The following PCDHA12 variants were observed in gnomAD, a reference collection of about 807,000 sequenced individuals.
PCDHA12 encodes the protein protocadherin alpha-12.
Under a neutral mutation model 60.0 loss-of-function variants are expected in PCDHA12, and 44 were observed. The observed-to-expected ratio is 0.73, with a 90% CI of 0.58 to 0.94. PCDHA12 has a LOEUF of 0.94. Ranked by LOEUF, PCDHA12 falls within the 40% of genes least tolerant of loss-of-function variation. The pLI, the probability that PCDHA12 is intolerant of heterozygous loss-of-function variation, is 0.00. For synonymous variants in PCDHA12, 569 were observed against 553.0 expected (o/e 1.03, Z -0.40); for missense variants, 1,276 against 1,239.7 (o/e 1.03, Z -0.44).
At chr5:140,927,627 T>A (rs145171269) in intron 1 of PCDHA12, 5 of 1,614,062 alleles carry the variant, frequency 3.1e-6, no homozygotes, top group Non-Finnish European at 3.4e-6. Flanking sequence ...TTCCAGAGAC[T>A]GCACCCAATG....
intron 3 of PCDHA12, among the ~76,000 whole-genome samples, chr5:140,985,666 A>G (rs547448150): frequency 1.3e-5 from 2 of 151,942 alleles, no homozygotes; most frequent in South Asian, 4.2e-4. Flanking sequence ...GAATAAAGGA[A>G]GTGGGGCCTG....
chr5:141,006,361 A>G (rs1384420854), intron 3 of PCDHA12, among the ~76,000 whole-genome samples: 3 of 151,846 alleles, frequency 2.0e-5, no homozygotes, highest in African/African-American at 7.3e-5. Context: ...ATAGGCGCCC[A>G]CCACCACGCC....
At chr5:140,900,073 G>T (rs1490261769) in intron 1 of PCDHA12, among the ~76,000 whole-genome samples, 1 of 152,072 alleles carries the variant, frequency 6.6e-6, no homozygotes, top group African/African-American at 2.4e-5. Flanking sequence ...GCCTCCAAAA[G>T]TGCTGCAGTT....
chr5:140,937,362 C>A lies in PCDHA12; in HGVS notation c.2368-41587C>A, dbSNP rs151333453. On this transcript the variant is annotated intron_variant, in intron 1 of 3. Coordinates refer to ENST00000398631, the MANE Select transcript of PCDHA12 (RefSeq NM_018903.4). ...TCTTCCATTTATTTTATTATTTTAT[C>A]TTAATGTTTATGTGTGTGTATGTGT... Among the ~76,000 whole-genome samples the A allele has an allele frequency of 4.1e-4, 62 of 152,138 alleles. No individual in the cohort carries two copies. In the East Asian group the frequency reaches 0.01, roughly 25 times the overall value.
At chr5:140,882,950 C>G (rs1197710877) in intron 1 of PCDHA12, 1 of 1,614,098 alleles carries the variant, frequency 6.2e-7, no homozygotes, top group Non-Finnish European at 8.5e-7. Context: ...CACAGTTCAG[C>G]TGCTCATCAC....
At chr5:140,883,343 A>G in intron 1 of PCDHA12, 1 of 1,614,142 alleles carries the variant, frequency 6.2e-7, no homozygotes, top group Non-Finnish European at 8.5e-7. Context: ...GTCACTCCCC[A>G]TCAGAGAAGA....
rs191251073 is a variant in PCDHA12, at chr5:140,928,748, G to C, written c.2368-50201G>C. ...ATTTCAGCCAATATAGGTGAGCTCCGTACTGCTCGCTTAGTTCTTCCCACT... is the reference window on the plus strand; with the variant it reads ...ATTTCAGCCAATATAGGTGAGCTCCCTACTGCTCGCTTAGTTCTTCCCACT... On this transcript the variant is annotated intron_variant, in intron 1 of 3. Coordinates refer to ENST00000398631, the MANE Select transcript of PCDHA12 (RefSeq NM_018903.4). The C allele has an allele frequency of 1.9e-6, 3 of 1,614,114 alleles. No individual in the cohort carries two copies. In the Admixed American group the frequency reaches 5.0e-5, roughly 27 times the overall value.
intron 1 of PCDHA12, chr5:140,927,716 G>A (rs782756674): frequency 2.5e-6 from 4 of 1,614,072 alleles, no homozygotes; most frequent in Non-Finnish European, 3.4e-6. Context: ...CTAAGCAACA[G>A]CACGCAAGCA....
chr5:140,933,372 C>T (rs1332069734), intron 1 of PCDHA12, among the ~76,000 whole-genome samples: 2 of 151,918 alleles, frequency 1.3e-5, no homozygotes, highest in African/African-American at 2.4e-5. Flanking sequence ...TCCCAAATTC[C>T]TTGGCTGTTC....
chr5:140,927,614 A>G (rs1554204810), intron 1 of PCDHA12: 10 of 1,614,204 alleles, frequency 6.2e-6, no homozygotes, highest in South Asian at 1.1e-5. Flanking sequence ...TACCGCACCA[A>G]GGTTCCAGAG....
intron 1 of PCDHA12, chr5:140,968,750 G>A: frequency 6.2e-7 from 1 of 1,614,144 alleles, no homozygotes; most frequent in Non-Finnish European, 8.5e-7. Context: ...GACCGTGGTG[G>A]TCCGAGATAA....
chr5:140,887,247 C>T (rs1302931456), intron 1 of PCDHA12, among the ~76,000 whole-genome samples: 1 of 152,016 alleles, frequency 6.6e-6, no homozygotes, highest in Non-Finnish European at 1.5e-5. Context: ...CCGGCGCCCG[C>T]CACCACGCCC....
At chr5:140,966,659 G>C in intron 1 of PCDHA12, 5 of 1,217,658 alleles carry the variant, frequency 4.1e-6, no homozygotes, top group Non-Finnish European at 5.3e-6. Context: ...AGCGGTGGGG[G>C]AGCAGGCGCA....
intron 1 of PCDHA12, among the ~76,000 whole-genome samples, chr5:140,941,202 C>CCTTCCTTTCTTTCTTT (rs1554213920): frequency 7.0e-4 from 86 of 122,822 alleles, no homozygotes; most frequent in Admixed American, 2.1e-3. Context: ...TTTCTTTCTT[C>CCTTCCTTTCTTTCTTT]CTTTCTTTCT....
At chr5:140,979,868 C>T (rs1554241158) in intron 2 of PCDHA12, among the ~76,000 whole-genome samples, 1 of 152,160 alleles carries the variant, frequency 6.6e-6, no homozygotes. Context: ...AATATCTGGG[C>T]AACTATCAAG....
intron 3 of PCDHA12, among the ~76,000 whole-genome samples, chr5:140,991,069 G>T (rs1156985445): frequency 6.6e-6 from 1 of 152,136 alleles, no homozygotes; most frequent in Non-Finnish European, 1.5e-5. Flanking sequence ...TTATTCCCAT[G>T]TTTCAGATAA....
intron 1 of PCDHA12, among the ~76,000 whole-genome samples, chr5:140,943,341 G>T (rs1021651625): frequency 5.3e-5 from 8 of 151,780 alleles, no homozygotes; most frequent in African/African-American, 1.9e-4. Context: ...CATTGGACAG[G>T]ATGAGAGTAG....
chr5:140,929,694 A>G, intron 1 of PCDHA12: 1 of 270,028 alleles, frequency 3.7e-6, no homozygotes, highest in Non-Finnish European at 7.3e-6. Flanking sequence ...AGTCTGCTTT[A>G]TATGAATATA....
At chr5:140,931,519 A>G (rs578009368) in intron 1 of PCDHA12, among the ~76,000 whole-genome samples, 6 of 152,054 alleles carry the variant, frequency 3.9e-5, no homozygotes, top group Non-Finnish European at 8.8e-5. Flanking sequence ...TGAATGATTA[A>G]CAAAATAATA....
Sources: allele counts gnomAD v4.1 joint callset (sites outside exome capture counted in the v4.1 genomes callset), GRCh38; gene constraint gnomAD v4.1.1; transcripts MANE v1.5; gene names NCBI Gene and HGNC (gene_info 2026-07-23, HGNC 2026-07-21).